Variants in ANK3 observed in about 807,000 individuals in gnomAD.
The protein encoded by ANK3 is ankyrin-3.
A neutral mutation model predicts 370.9 loss-of-function variants in ANK3; 57 were observed. The observed-to-expected ratio is 0.15, with a 90% CI of 0.12 to 0.19. The LOEUF (loss-of-function observed/expected upper bound fraction) is 0.19, where lower values mean the gene tolerates loss of function less well. Ranked by LOEUF, ANK3 falls within the 10% of genes least tolerant of loss-of-function variation. The pLI, the probability that ANK3 is intolerant of heterozygous loss-of-function variation, is 1.00. For missense variants in ANK3, 4,439 were observed against 5,302.1 expected (o/e 0.84, Z 5.06); for synonymous variants, 1,929 against 1,946.3 (o/e 0.99, Z 0.23).
chr10:60,524,983 T>A lies in ANK3; in HGVS notation c.96+90203A>T, dbSNP rs537647547. Among the ~76,000 whole-genome samples, 13 of 152,256 alleles carry A rather than the reference T, an allele frequency of 8.5e-5. No individual in the cohort carries two copies. The East Asian group carries it at 2.5e-3, about 29-fold the overall frequency. On this transcript the variant is annotated intron_variant, in intron 2 of 43. Coordinates refer to the ANK3 transcript ENST00000373827. ...CTGTATTTTGTCAGTTTTTGCTTAT[T>A]CAAATCATTGTGATATTTGATATCA... is the stretch of plus-strand genomic sequence containing the variant.
chr10:60,301,721 T>G (rs1289815534), intron 1 of ANK3, among the ~76,000 whole-genome samples: 1 of 152,150 alleles, frequency 6.6e-6, no homozygotes, highest in Non-Finnish European at 1.5e-5. Flanking sequence ...CCGGCCCAGA[T>G]AAATATTTTT....
At chr10:60,346,440 A>G (rs1310512946) in intron 1 of ANK3, among the ~76,000 whole-genome samples, 7 of 74,166 alleles carry the variant, frequency 9.4e-5, no homozygotes, top group Admixed American at 8.7e-4. Context: ...TGAAATAGGC[A>G]TACAAAAAAG....
At chr10:60,296,175 T>G (rs1315535151) in intron 1 of ANK3, among the ~76,000 whole-genome samples, 5 of 152,224 alleles carry the variant, frequency 3.3e-5, no homozygotes, top group African/African-American at 9.6e-5. Context: ...TTGCTTTAGT[T>G]CTCCTAGAGT....
At chr10:60,621,354 CATTTT>C (rs2078334554) in intron 1 of ANK3, among the ~76,000 whole-genome samples, 1 of 152,150 alleles carries the variant, frequency 6.6e-6, no homozygotes, top group Non-Finnish European at 1.5e-5. Flanking sequence ...CTGAATTTGA[CATTTT>C]ATTTTTAATT....
At chr10:60,538,910 T>C (rs1467822784) in intron 2 of ANK3, among the ~76,000 whole-genome samples, 1 of 151,940 alleles carries the variant, frequency 6.6e-6, no homozygotes, top group Non-Finnish European at 1.5e-5. Flanking sequence ...ATTTAGCCTA[T>C]GCATTTCCAT....
intron 1 of ANK3, among the ~76,000 whole-genome samples, chr10:60,303,776 T>C (rs2044340248): frequency 6.6e-6 from 1 of 152,122 alleles, no homozygotes; most frequent in African/African-American, 2.4e-5. Flanking sequence ...CTCAAAGAGA[T>C]ATTTGCACTC....
intron 1 of ANK3, among the ~76,000 whole-genome samples, chr10:60,336,878 G>T (rs943479097): frequency 3.3e-5 from 5 of 152,130 alleles, no homozygotes; most frequent in African/African-American, 1.2e-4. Context: ...GGACCATTTT[G>T]TGTGCATCTA....
intron 2 of ANK3, among the ~76,000 whole-genome samples, chr10:60,526,724 A>ACATGGTAT (rs1407992483): frequency 1.3e-5 from 2 of 152,158 alleles, no homozygotes; most frequent in African/African-American, 4.8e-5. Flanking sequence ...TGAGAGACCC[A>ACATGGTAT]CATGGTATAT....
chr10:60,251,891 A>C (rs963568288), intron 7 of ANK3, among the ~76,000 whole-genome samples: 2 of 152,082 alleles, frequency 1.3e-5, no homozygotes, highest in Non-Finnish European at 2.9e-5. Context: ...CCCCTTCCCC[A>C]CCGGGCTGGA....
intron 1 of ANK3, among the ~76,000 whole-genome samples, chr10:60,709,782 T>A (rs2079675738): frequency 6.7e-6 from 1 of 150,266 alleles, no homozygotes. Context: ...GAGCCATGAT[T>A]GCGCCACTAC....
In ANK3 at chr10:60,043,716, TCCCAACAGACACTCTGCTGAAGG is replaced by T. The variant is rs1288132377; in HGVS notation, c.13066-980_13066-958del. 5.1e-6 allele frequency: 5 copies of T among 985,320 alleles called. No homozygotes were observed. The Admixed American group carries it at 3.1e-4, about 61-fold the overall frequency. 61.0% of individuals were successfully genotyped at this position (985,320 alleles called of 1,614,324 possible). On this transcript the variant is annotated intron_variant, in intron 42 of 43. Coordinates refer to ENST00000280772, the MANE Select transcript of ANK3 (RefSeq NM_020987.5). ...GCTTTTGGAGTGCTCTCCGCCCCTG[TCCCAACAGACACTCTGCTGAAGG>T]CCAAGCCCTGGGTGGGGCTGAAGCA... is the stretch of plus-strand genomic sequence containing the variant.
chr10:60,615,019 CAA>C (rs1194229445), intron 2 of ANK3, among the ~76,000 whole-genome samples: 14 of 152,102 alleles, frequency 9.2e-5, no homozygotes, highest in African/African-American at 3.1e-4. Flanking sequence ...TAAAAGCCTT[CAA>C]ATTGTTCTCT....
chr10:60,692,442 T>A (rs1338067867), intron 1 of ANK3, among the ~76,000 whole-genome samples: 1 of 152,210 alleles, frequency 6.6e-6, no homozygotes, highest in Admixed American at 6.5e-5. Context: ...TATTTCTGTA[T>A]ATCTATTTCT....
chr10:60,418,328 T>C (rs1253863821), intron 2 of ANK3, among the ~76,000 whole-genome samples: 1 of 152,188 alleles, frequency 6.6e-6, no homozygotes, highest in Non-Finnish European at 1.5e-5. Flanking sequence ...CCCATTCCTA[T>C]GTCTCGTTAG....
rs1055245254 is a variant in ANK3 at position 60,099,952 on chromosome 10, G to A, written c.3328+5953C>T. ...AGCTCTACTGTGCCTGATATGGGGG[G>A]TGGGGGGCAGGATGGCTTATGTCAT... On this transcript the variant is annotated intron_variant, in intron 28 of 43. Transcript: ENST00000280772. Among the ~76,000 whole-genome samples, 7 of 151,664 alleles carry A rather than the reference G, an allele frequency of 4.6e-5. No individual in the cohort carries two copies. In the East Asian group the frequency reaches 9.7e-4, roughly 21 times the overall value.
chr10:60,705,357 T>C (rs2079600458), intron 1 of ANK3, among the ~76,000 whole-genome samples: 1 of 152,180 alleles, frequency 6.6e-6, no homozygotes, highest in Non-Finnish European at 1.5e-5. Context: ...TCACCTAACA[T>C]TCACAGAGTA....
At chr10:60,491,896 C>T (rs1416180549) in intron 2 of ANK3, among the ~76,000 whole-genome samples, 1 of 152,076 alleles carries the variant, frequency 6.6e-6, no homozygotes, top group Non-Finnish European at 1.5e-5. Context: ...AGTATTTTTG[C>T]ATGGCTTAAC....
At chr10:60,614,237 G>T (rs1210620963) in intron 2 of ANK3, among the ~76,000 whole-genome samples, 1 of 151,960 alleles carries the variant, frequency 6.6e-6, no homozygotes, top group Non-Finnish European at 1.5e-5. Context: ...TACCAAAATG[G>T]CAATTTCACA....
rs1308304061 is a variant in ANK3, at chr10:60,085,057, CACA to C, written c.3845+97_3845+99del. 4.0e-6 allele frequency: 4 copies of C among 1,002,960 alleles called. No homozygotes were observed. The South Asian group carries it at 5.5e-5, about 14-fold the overall frequency. The allele number at this position is 1,002,960 out of a possible 1,614,324, so 62.1% of individuals were successfully genotyped here. On this transcript the variant is annotated intron_variant, in intron 31 of 43. Coordinates refer to ENST00000280772, the MANE Select transcript of ANK3 (RefSeq NM_020987.5). ...AGCAAATACTACGGATTTTTTTTCTCACAACAATTTTTTTTAGTATTGAACACA... is the reference window on the plus strand; with the variant it reads ...AGCAAATACTACGGATTTTTTTTCTCACAATTTTTTTTAGTATTGAACACA...
Sources: gnomAD v4.1 joint callset for allele counts (sites outside exome capture counted in the v4.1 genomes callset) on GRCh38, gnomAD v4.1.1 for gene constraint, MANE v1.5 for transcripts, NCBI Gene and HGNC (gene_info 2026-07-23, HGNC 2026-07-21) for gene names.